Variants in TMEM181 observed in about 807,000 individuals in gnomAD.
The protein encoded by TMEM181 is G protein-coupled receptor 178.
A neutral mutation model predicts 71.9 loss-of-function variants in TMEM181; 39 were observed. The ratio of observed to expected loss-of-function variants is 0.54; its 90% confidence interval spans 0.42 to 0.71. TMEM181 has a LOEUF of 0.71. TMEM181 is among the 30% of genes least tolerant of loss of function. The pLI is 0.00. For synonymous variants in TMEM181, 245 were observed against 228.8 expected, an observed-to-expected ratio of 1.07 and a Z score of -0.64; for missense variants, 595 against 583.0, an observed-to-expected ratio of 1.02 and a Z score of -0.21.
chr6:158,623,599 A>T lies in TMEM181; in HGVS notation c.946A>T (p.Asn316Tyr), dbSNP rs374825278. 74 of 1,582,722 alleles carry T rather than the reference A, an allele frequency of 4.7e-5. No individual in the cohort carries two copies. The highest frequency in any genetic ancestry group is 6.4e-5 in the Non-Finnish European group (74 of 1,161,566). The change falls in exon 11 of 17, where the codon AAT becomes TAT. Residue 316 changes from asparagine to tyrosine, a missense_variant. Physicochemically the swap from Asn to Tyr is moderately radical, Grantham distance 143. Coordinates refer to ENST00000684151, the MANE Select transcript of TMEM181 (RefSeq NM_001376852.1). Reference sequence around the variant, plus strand: ...GTACCAGTATCGAGTTGATACCGGAAATTTTCAGGTAAGGATTGTTAATGA... The same window carrying T: ...GTACCAGTATCGAGTTGATACCGGATATTTTCAGGTAAGGATTGTTAATGA... ...PMYQYRVDTG[N>Y]FQGMKVFFMV...
chr6:158,619,867 C>CAA (rs61626531), intron 10 of TMEM181, among the ~76,000 whole-genome samples: 87 of 67,596 alleles, frequency 1.3e-3, no homozygotes, highest in East Asian at 7.9e-3. Flanking sequence ...GACTCCGTCT[C>CAA]AAAAAAAAAA....
chr6:158,629,940 T>TC, intron 15 of TMEM181, 121 bp downstream of exon 15: 2 of 827,224 alleles, frequency 2.4e-6, no homozygotes, highest in Non-Finnish European at 4.1e-6. Context: ...GTGACTTCTC[T>TC]TGGCAGAGAG....
intron 6 of TMEM181, among the ~76,000 whole-genome samples, chr6:158,598,080 A>T (rs765199522): frequency 6.6e-6 from 1 of 152,188 alleles, no homozygotes; most frequent in Non-Finnish European, 1.5e-5. Flanking sequence ...CACTTGTGGG[A>T]TGACGCTTAC....
chr6:158,537,051 G>GA (rs1471576503), intron 1 of TMEM181, among the ~76,000 whole-genome samples: 1 of 151,930 alleles, frequency 6.6e-6, no homozygotes, highest in Non-Finnish European at 1.5e-5. Context: ...AGGGGACGGG[G>GA]AGCAGGGATA....
At position 158,631,768 on chromosome 6, in the gene TMEM181, C is replaced by T. The variant is rs748088417; in HGVS notation, c.1350-42C>T. 3.9e-6 allele frequency: 6 copies of T among 1,547,688 alleles called. No homozygotes were observed. The African/African-American group carries it at 6.8e-5, about 18-fold the overall frequency. ...CAGTGTGGAAGAGGAAAATAAAGAG[C>T]TGTCAGAAGTTAGACGGTCTCAAAG... On this transcript the variant is annotated intron_variant, in intron 16 of 16. Coordinates refer to ENST00000684151, the MANE Select transcript of TMEM181 (RefSeq NM_001376852.1).
At chr6:158,583,914 T>A in intron 3 of TMEM181, 40 bp from the exon 4 acceptor site, 1 of 1,507,700 alleles carries the variant, frequency 6.6e-7, no homozygotes, top group South Asian at 1.2e-5. Context: ...GTAGACTCAA[T>A]GAAAAGGTCA....
At chr6:158,536,966 G>C (rs1307112699) in intron 1 of TMEM181, 6 of 906,300 alleles carry the variant, frequency 6.6e-6, no homozygotes, top group South Asian at 1.1e-4. Flanking sequence ...TCCCGCCGAC[G>C]GCCGCCTCCG....
intron 1 of TMEM181, among the ~76,000 whole-genome samples, chr6:158,544,217 G>GTT (rs1390117553): frequency 7.9e-5 from 12 of 151,118 alleles, no homozygotes; most frequent in African/African-American, 2.9e-4. Flanking sequence ...GTGTGTGTGT[G>GTT]TTGGGGTGAG....
rs1250682117 is a variant in TMEM181 at position 158,599,026 on chromosome 6, C to T, written c.493-6241C>T. Among the ~76,000 whole-genome samples the T allele has an allele frequency of 3.3e-5, 5 of 152,290 alleles. No homozygotes were observed. In the East Asian group the frequency reaches 9.6e-4, roughly 29 times the overall value. ...TCTGAAGCTGGGCCTCCAGTCCAGG[C>T]CCTTTGCTTGGTGCTGCACAGGTCG... is the stretch of plus-strand genomic sequence containing the variant. On this transcript the variant is annotated intron_variant, in intron 6 of 16. Coordinates refer to ENST00000684151, the MANE Select transcript of TMEM181 (RefSeq NM_001376852.1).
chr6:158,587,489 T>C (rs1783834670), intron 5 of TMEM181, among the ~76,000 whole-genome samples: 1 of 151,972 alleles, frequency 6.6e-6, no homozygotes, highest in East Asian at 1.9e-4. Flanking sequence ...TTTACCACCC[T>C]CTTATATTAC....
At chr6:158,616,474 A>G (rs914497722) in intron 10 of TMEM181, among the ~76,000 whole-genome samples, 3 of 152,084 alleles carry the variant, frequency 2.0e-5, no homozygotes, top group African/African-American at 7.2e-5. Flanking sequence ...AATACCCTTT[A>G]TTTCTTTCTC....
At chr6:158,629,938 T>C in intron 15 of TMEM181, 119 bp downstream of exon 15, 5 of 841,138 alleles carry the variant, frequency 5.9e-6, no homozygotes, top group Non-Finnish European at 1.0e-5. Context: ...CAGTGACTTC[T>C]CTTGGCAGAG....
At chr6:158,543,430 G>A (rs779099206) in intron 1 of TMEM181, among the ~76,000 whole-genome samples, 2 of 152,150 alleles carry the variant, frequency 1.3e-5, no homozygotes, top group Admixed American at 6.5e-5. Flanking sequence ...CTCTGGAGCC[G>A]CCTTCTAGGG....
intron 2 of TMEM181, among the ~76,000 whole-genome samples, chr6:158,580,535 T>C (rs868534248): frequency 7.2e-5 from 11 of 152,226 alleles, no homozygotes; most frequent in Admixed American, 3.3e-4. Flanking sequence ...CGGGATTAAT[T>C]GGATGAGCAG....
At chr6:158,579,200 A>C (rs560245320) in intron 2 of TMEM181, among the ~76,000 whole-genome samples, 1 of 151,652 alleles carries the variant, frequency 6.6e-6, no homozygotes, top group Non-Finnish European at 1.5e-5. Context: ...CGGAGGTTGC[A>C]GTGAGCCGAG....
chr6:158,564,584 C>T (rs1562622551), intron 1 of TMEM181, among the ~76,000 whole-genome samples: 1 of 152,224 alleles, frequency 6.6e-6, no homozygotes, highest in Non-Finnish European at 1.5e-5. Context: ...GCACAGCCAT[C>T]GTTTCTAATA....
At chr6:158,605,597 A>C (rs1295308684) in intron 7 of TMEM181, among the ~76,000 whole-genome samples, 1 of 152,166 alleles carries the variant, frequency 6.6e-6, no homozygotes, top group Non-Finnish European at 1.5e-5. Flanking sequence ...AATGTTGATC[A>C]TGTGCGGTGA....
intron 16 of TMEM181, 57 bp downstream of exon 16, chr6:158,631,446 CAT>C: frequency 1.3e-6 from 2 of 1,554,520 alleles, no homozygotes; most frequent in Non-Finnish European, 1.8e-6. Context: ...CACGGCCTTG[CAT>C]GTTTCTGAAT....
chr6:158,618,393 C>T (rs1347930697), intron 10 of TMEM181, among the ~76,000 whole-genome samples: 1 of 152,122 alleles, frequency 6.6e-6, no homozygotes, highest in South Asian at 2.1e-4. Flanking sequence ...TGTCTCTGCA[C>T]GTGAGATGGG....
Sources: allele counts gnomAD v4.1 joint callset (sites outside exome capture counted in the v4.1 genomes callset), GRCh38; gene constraint gnomAD v4.1.1; transcripts MANE v1.5; gene names NCBI Gene and HGNC (gene_info 2026-07-23, HGNC 2026-07-21).